The following ZMYM2 variants were observed in gnomAD, a reference collection of about 807,000 sequenced individuals.
ZMYM2 encodes the protein zinc finger MYM-type containing 2.
ZMYM2 carries 56 observed loss-of-function variants against 162.8 expected under a neutral mutation model. The observed-to-expected ratio is 0.34, with a 90% CI of 0.28 to 0.43. The LOEUF (loss-of-function observed/expected upper bound fraction) is 0.43, where lower values mean the gene tolerates loss of function less well. Among genes scored for constraint, ZMYM2 ranks in the 20% least tolerant of loss-of-function variants. ZMYM2 has a pLI of 1.00. For missense variants in ZMYM2, 1,275 were observed against 1,621.8 expected (o/e 0.79, Z 3.67); for synonymous variants, 510 against 541.6 (o/e 0.94, Z 0.81).
the ZMYM2 span, among the ~76,000 whole-genome samples, chr13:19,876,540 C>G: frequency 6.6e-6 from 1 of 151,596 alleles, no homozygotes; most frequent in African/African-American, 2.4e-5. Context: ...TCAGGCTGGT[C>G]CCAGACTCCT....
At chr13:19,864,176 G>A in the ZMYM2 span, 2 of 153,992 alleles carry the variant, frequency 1.3e-5, no homozygotes, top group African/African-American at 4.8e-5. Flanking sequence ...GGGAGGTGCT[G>A]GAGCGGGGCC....
At chr13:19,868,066 T>A in the ZMYM2 span, among the ~76,000 whole-genome samples, 1 of 152,234 alleles carries the variant, frequency 6.6e-6, no homozygotes, top group African/African-American at 2.4e-5. Flanking sequence ...CAACAAGCAA[T>A]AGGTAACATT....
chr13:20,087,375 G>A lies in ZMYM2; in HGVS notation c.*1361G>A, dbSNP rs1237071746. On this transcript the variant is annotated 3_prime_UTR_variant, in exon 25 of 25. Transcript: ENST00000610343. ...ATCTACTTTCTAAAGACTGAACAAAGTGCTAGCTGCAAATTATCTTGAAAT... is the reference window on the plus strand; with the variant it reads ...ATCTACTTTCTAAAGACTGAACAAAATGCTAGCTGCAAATTATCTTGAAAT... 1 of 189,892 alleles carries A rather than the reference G, an allele frequency of 5.3e-6. No individual in the cohort carries two copies. Among genetic ancestry groups the A allele is most frequent in the Non-Finnish European group, 1.1e-5 (1 of 90,480 alleles). The allele number at this position is 189,892 out of a possible 1,614,324, so 11.8% of individuals were successfully genotyped here. A position where few individuals can be genotyped will look rare whatever the true frequency, so the allele number is the denominator to read the frequency against.
At chr13:19,933,339 GTGT>G in the ZMYM2 span, among the ~76,000 whole-genome samples, 1 of 152,068 alleles carries the variant, frequency 6.6e-6, no homozygotes, top group African/African-American at 2.4e-5. Context: ...AGTACTATCA[GTGT>G]TGTTGTTGTT....
At chr13:19,965,182 A>G (rs1221388479) in intron 2 of ZMYM2, 1 of 1,160,496 alleles carries the variant, frequency 8.6e-7, no homozygotes, top group Non-Finnish European at 1.1e-6. Flanking sequence ...GTAAAATGTG[A>G]CTATAATACA....
chr13:19,910,621 G>A, the ZMYM2 span, among the ~76,000 whole-genome samples: 5 of 151,476 alleles, frequency 3.3e-5, no homozygotes, highest in African/African-American at 1.2e-4. Flanking sequence ...CTCCTCCCGG[G>A]CGTGAACCAC....
chr13:20,041,081 T>C (rs890388547), intron 12 of ZMYM2, among the ~76,000 whole-genome samples: 7 of 152,156 alleles, frequency 4.6e-5, no homozygotes, highest in Non-Finnish European at 8.8e-5. Context: ...TATATTCTGT[T>C]GTTTTGGGGT....
At chr13:19,916,711 G>C in the ZMYM2 span, among the ~76,000 whole-genome samples, 7 of 151,514 alleles carry the variant, frequency 4.6e-5, no homozygotes, top group Non-Finnish European at 1.0e-4. Flanking sequence ...GGGGCTTGTC[G>C]GGGGGTGGGG....
chr13:19,990,107 G>A (rs538443119), intron 2 of ZMYM2, among the ~76,000 whole-genome samples: 3 of 152,288 alleles, frequency 2.0e-5, no homozygotes, highest in African/African-American at 7.2e-5. Flanking sequence ...TGGAAACATG[G>A]CAGTGTTTCC....
At chr13:19,886,075 T>A in the ZMYM2 span, among the ~76,000 whole-genome samples, 1 of 147,522 alleles carries the variant, frequency 6.8e-6, no homozygotes, top group African/African-American at 2.5e-5. Context: ...TCTATATCCA[T>A]CTTTTATCTA....
intron 6 of ZMYM2, among the ~76,000 whole-genome samples, chr13:20,011,586 T>G (rs9508999): frequency 6.6e-6 from 1 of 151,070 alleles, no homozygotes. Flanking sequence ...TTATTTTTTT[T>G]TTTTTTGAGG....
chr13:19,967,752 A>G (rs1279075331), intron 2 of ZMYM2, among the ~76,000 whole-genome samples: 2 of 152,202 alleles, frequency 1.3e-5, no homozygotes, highest in South Asian at 2.1e-4. Flanking sequence ...GGTGAGGACT[A>G]AAAATAATAC....
intron 10 of ZMYM2, 46 bp downstream of exon 10, chr13:20,031,481 G>A: frequency 1.6e-6 from 2 of 1,243,580 alleles, no homozygotes; most frequent in South Asian, 3.3e-5. Context: ...TAAAAAGAAA[G>A]TCTAGTAAAA....
chr13:20,059,205 A>G (rs576657164), intron 15 of ZMYM2, among the ~76,000 whole-genome samples: 3 of 151,324 alleles, frequency 2.0e-5, no homozygotes, highest in Non-Finnish European at 4.4e-5. Flanking sequence ...TTTTTAAAGG[A>G]TGTTTTCTTT....
the ZMYM2 span, among the ~76,000 whole-genome samples, chr13:19,898,654 G>A: frequency 6.6e-6 from 1 of 152,138 alleles, no homozygotes; most frequent in Non-Finnish European, 1.5e-5. Flanking sequence ...GGCCAGGTGT[G>A]GTGGTTCAAG....
At chr13:19,941,467 G>A in the ZMYM2 span, among the ~76,000 whole-genome samples, 1 of 152,126 alleles carries the variant, frequency 6.6e-6, no homozygotes, top group Non-Finnish European at 1.5e-5. Flanking sequence ...AATAGTGTGA[G>A]CAGGGAGCTT....
chr13:20,068,103 T>A lies in ZMYM2; in HGVS notation c.3453+713T>A, dbSNP rs1956814205. 4 of 178,612 alleles carry A rather than the reference T, an allele frequency of 2.2e-5. No individual in the cohort carries two copies. The East Asian group carries it at 3.7e-4, about 17-fold the overall frequency. The allele number at this position is 178,612 out of a possible 1,614,324, so 11.1% of individuals were successfully genotyped here. ...CTTTAGGATAGAAATTTGCTTAAGA[T>A]TCTGTAAGTGGTGGTGCAGATATAT... On this transcript the variant is annotated intron_variant, in intron 21 of 24. Transcript: ENST00000610343.
intron 7 of ZMYM2, chr13:20,025,808 A>T (rs961504788): frequency 2.6e-5 from 4 of 152,326 alleles, no homozygotes; most frequent in Admixed American, 2.0e-4. Flanking sequence ...AAGCCTGTAC[A>T]GCATGTTACT....
At chr13:20,004,962 A>C (rs1275555776) in intron 4 of ZMYM2, 112 bp from the exon 5 acceptor site, 1 of 743,810 alleles carries the variant, frequency 1.3e-6, no homozygotes, top group Non-Finnish European at 2.1e-6. Context: ...TAGATCCAAG[A>C]ATGATGTTTG....
Sources: gnomAD v4.1 joint callset for allele counts (sites outside exome capture counted in the v4.1 genomes callset) on GRCh38, gnomAD v4.1.1 for gene constraint, MANE v1.5 for transcripts, NCBI Gene and HGNC (gene_info 2026-07-23, HGNC 2026-07-21) for gene names.